Variants in DCDC2 observed in about 807,000 individuals in gnomAD.
The protein encoded by DCDC2 is doublecortin domain-containing protein 2.
A neutral mutation model predicts 50.2 loss-of-function variants in DCDC2; 40 were observed. The observed-to-expected ratio is 0.80, with a 90% confidence interval of 0.62 to 1.04. The LOEUF is 1.04. Among genes scored for constraint, DCDC2 ranks in the 50% least tolerant of loss-of-function variants. The pLI, the probability that DCDC2 is intolerant of heterozygous loss-of-function variation, is 0.00. For missense variants in DCDC2, 570 were observed against 581.9 expected, an observed-to-expected ratio of 0.98 and a Z score of 0.21; for synonymous variants, 234 against 210.6, an observed-to-expected ratio of 1.11 and a Z score of -0.96.
chr6:24,278,750 T>G (rs77930866), intron 6 of DCDC2, among the ~76,000 whole-genome samples: 59 of 152,304 alleles, frequency 3.9e-4, no homozygotes, highest in African/African-American at 1.3e-3. Context: ...GATCAATTAA[T>G]CTACAAATAC....
At chr6:24,188,490 T>C (rs1371188898) in intron 8 of DCDC2, among the ~76,000 whole-genome samples, 1 of 152,206 alleles carries the variant, frequency 6.6e-6, no homozygotes, top group African/African-American at 2.4e-5. Flanking sequence ...TAAGAGTCAA[T>C]GTCATAAAAA....
chr6:24,199,989 T>C (rs1225780162), intron 8 of DCDC2, among the ~76,000 whole-genome samples: 1 of 152,024 alleles, frequency 6.6e-6, no homozygotes, highest in Non-Finnish European at 1.5e-5. Context: ...GAACAAAGCC[T>C]CCAGAAAATA....
At chr6:24,277,562 T>G (rs948948568) in intron 7 of DCDC2, among the ~76,000 whole-genome samples, 1 of 152,244 alleles carries the variant, frequency 6.6e-6, no homozygotes, top group African/African-American at 2.4e-5. Context: ...AAGATGAAAC[T>G]ACATCTAATT....
chr6:24,318,780 C>CGTACGTGTGTGTGTGTGTGTGT (rs1759718085), intron 2 of DCDC2, among the ~76,000 whole-genome samples: 1 of 149,558 alleles, frequency 6.7e-6, no homozygotes, highest in African/African-American at 2.5e-5. Flanking sequence ...TATATACGTA[C>CGTACGTGTGTGTGTGTGTGTGT]GTGTGTGTGT....
At chr6:24,278,889 C>G (rs1763415061) in intron 6 of DCDC2, among the ~76,000 whole-genome samples, 1 of 152,170 alleles carries the variant, frequency 6.6e-6, no homozygotes, top group Admixed American at 6.5e-5. Flanking sequence ...AATCGCAAAT[C>G]CAGAGCCACA....
the DCDC2 span, among the ~76,000 whole-genome samples, chr6:24,370,477 G>A: frequency 4.6e-5 from 7 of 152,204 alleles, no homozygotes; most frequent in African/African-American, 1.2e-4. Context: ...GGAGGCCAAG[G>A]CAGGAGGATC....
At chr6:24,259,968 G>A (rs1230255624) in intron 7 of DCDC2, among the ~76,000 whole-genome samples, 2 of 152,172 alleles carry the variant, frequency 1.3e-5, no homozygotes, top group African/African-American at 4.8e-5. Flanking sequence ...TGGAGCTTAG[G>A]AGTAAAGAGA....
intron 2 of DCDC2, among the ~76,000 whole-genome samples, chr6:24,352,719 C>T (rs1760395107): frequency 6.6e-6 from 1 of 152,106 alleles, no homozygotes; most frequent in South Asian, 2.1e-4. Context: ...TGAGGAGAGT[C>T]CCTCTGGGGC....
chr6:24,378,956 GA>G, the DCDC2 span, among the ~76,000 whole-genome samples: 65 of 67,430 alleles, frequency 9.6e-4, no homozygotes, highest in South Asian at 4.5e-3. Context: ...GTCTCATTTG[GA>G]AAAAAAAAAA....
At chr6:24,365,306 G>T in the DCDC2 span, among the ~76,000 whole-genome samples, 2 of 152,094 alleles carry the variant, frequency 1.3e-5, no homozygotes, top group African/African-American at 4.8e-5. Flanking sequence ...TTGTTTGTTT[G>T]TTTTGGAACA....
intron 4 of DCDC2, among the ~76,000 whole-genome samples, chr6:24,293,111 C>A (rs1031809606): frequency 1.3e-5 from 2 of 152,140 alleles, no homozygotes; most frequent in Non-Finnish European, 2.9e-5. Context: ...TGAATAAATT[C>A]TTTTTGTTAA....
intron 7 of DCDC2, among the ~76,000 whole-genome samples, chr6:24,258,299 C>T (rs1233258281): frequency 6.6e-6 from 1 of 152,130 alleles, no homozygotes; most frequent in East Asian, 1.9e-4. Context: ...CTTTTATTCC[C>T]TTATTTGTCC....
intron 7 of DCDC2, among the ~76,000 whole-genome samples, chr6:24,248,475 C>T (rs1324841661): frequency 6.6e-6 from 1 of 152,162 alleles, no homozygotes; most frequent in Non-Finnish European, 1.5e-5. Context: ...GCCTGGCACA[C>T]AGGATGTCCT....
chr6:24,198,937 T>G (rs1366739801), intron 8 of DCDC2, among the ~76,000 whole-genome samples: 4 of 152,210 alleles, frequency 2.6e-5, no homozygotes, highest in Non-Finnish European at 4.4e-5. Flanking sequence ...TCAAAGCCAC[T>G]GGAGCCAGAC....
At chr6:24,310,034 A>G (rs1432446491) in intron 2 of DCDC2, among the ~76,000 whole-genome samples, 3 of 152,200 alleles carry the variant, frequency 2.0e-5, no homozygotes, top group African/African-American at 7.2e-5. Flanking sequence ...AAAAAGATAT[A>G]CCAGATAAAT....
intron 7 of DCDC2, among the ~76,000 whole-genome samples, chr6:24,209,753 ACT>A (rs1761814858): frequency 1.3e-5 from 2 of 152,044 alleles, no homozygotes; most frequent in South Asian, 4.2e-4. Context: ...TATAAAAGTA[ACT>A]CTTCTCTAGG....
chr6:24,205,011 T>C lies in DCDC2; in HGVS notation c.1014A>G (p.Pro338=). ...QEDEDTQVEV[P]VDQRPAEIVD... is the part of the protein sequence containing the mutation. ...AAGGCATGGAGATTACCTGATCGAC[T>C]GGAACCTCAACCTGAGTATCTTCAT... Residue 338 remains proline, a synonymous_variant, in exon 8 of 10, where the codon CCA becomes CCG. Transcript: ENST00000378454. 6.2e-7 allele frequency: 1 copy of C among 1,613,648 alleles called. No homozygotes were observed. The highest frequency in any genetic ancestry group is 8.5e-7 in the Non-Finnish European group (1 of 1,179,718).
intron 7 of DCDC2, among the ~76,000 whole-genome samples, chr6:24,259,256 A>T (rs536388133): frequency 1.1e-4 from 17 of 152,340 alleles, no homozygotes; most frequent in African/African-American, 4.1e-4. Context: ...CCTTAATGTA[A>T]GAAGAAATTT....
intron 2 of DCDC2, among the ~76,000 whole-genome samples, chr6:24,338,360 A>C (rs1315295448): frequency 6.6e-6 from 1 of 152,106 alleles, no homozygotes; most frequent in Non-Finnish European, 1.5e-5. Context: ...TTAAAAAAAA[A>C]CAACAACTGT....
Sources: allele counts gnomAD v4.1 joint callset (sites outside exome capture counted in the v4.1 genomes callset), GRCh38; gene constraint gnomAD v4.1.1; transcripts MANE v1.5; gene names NCBI Gene and HGNC (gene_info 2026-07-23, HGNC 2026-07-21).